The following ITPR1 variants were observed in gnomAD, a reference collection of about 807,000 sequenced individuals.
ITPR1 encodes inositol 1,4,5-trisphosphate receptor type 1.
In ITPR1, 96 loss-of-function variants were observed where a neutral mutation model predicts 318.4. The ratio of observed to expected loss-of-function variants is 0.30; its 90% confidence interval spans 0.26 to 0.36. The LOEUF is 0.36. Ranked by LOEUF, ITPR1 falls within the 10% of genes least tolerant of loss-of-function variation. The pLI is 1.00. For missense variants in ITPR1, 2,440 were observed against 3,460.2 expected (o/e 0.71, Z 7.40); for synonymous variants, 1,312 against 1,289.9 (o/e 1.02, Z -0.37).
intron 7 of ITPR1, 98 bp downstream of exon 7, chr3:4,642,349 G>T: frequency 1.1e-6 from 1 of 945,330 alleles, no homozygotes. Context: ...GTTGGAACCA[G>T]AGGCTTGTCC....
At chr3:4,804,060 C>T (rs1017198117) in intron 54 of ITPR1, among the ~76,000 whole-genome samples, 5 of 152,080 alleles carry the variant, frequency 3.3e-5, no homozygotes, top group Non-Finnish European at 1.5e-5. Context: ...TTAGTAGAGA[C>T]GAGGTTTCAC....
intron 42 of ITPR1, among the ~76,000 whole-genome samples, chr3:4,727,764 C>CA (rs2042623624): frequency 6.6e-6 from 1 of 152,144 alleles, no homozygotes; most frequent in Non-Finnish European, 1.5e-5. Flanking sequence ...TTTGTAGAGA[C>CA]AGAGTCTTGC....
intron 30 of ITPR1, 42 bp downstream of exon 30, chr3:4,685,248 G>A (rs1443239640): frequency 1.3e-6 from 2 of 1,546,418 alleles, no homozygotes; most frequent in Non-Finnish European, 1.7e-6. Flanking sequence ...TCAGGATGGG[G>A]CGGATCCCTG....
At chr3:4,669,870 A>C in intron 19 of ITPR1, 97 bp downstream of exon 19, 1 of 1,203,046 alleles carries the variant, frequency 8.3e-7, no homozygotes. Flanking sequence ...TTTTGAGTTG[A>C]TCTAAAGTCA....
At chr3:4,517,402 AG>A (rs1260841576) in intron 3 of ITPR1, among the ~76,000 whole-genome samples, 1 of 152,220 alleles carries the variant, frequency 6.6e-6, no homozygotes, top group Non-Finnish European at 1.5e-5. Context: ...AATTGGGGGA[AG>A]GAAGACCAGC....
rs377568776 is a variant in ITPR1 at position 4,661,105 on chromosome 3, C to T, written c.1251+18C>T. The T allele has an allele frequency of 6.9e-7, 1 of 1,445,382 alleles. No homozygotes were observed. The highest frequency in any genetic ancestry group is 1.7e-5 in the Admixed American group (1 of 59,550). The allele number at this position is 1,445,382 out of a possible 1,614,324, so 89.5% of individuals were successfully genotyped here. A position where few individuals can be genotyped will look rare whatever the true frequency, so the allele number is the denominator to read the frequency against. The stretch of plus-strand genomic sequence containing the variant: ...TGCTGAAAGTAAGTCCTGGGACTTG[C>T]CTGTCTCCTTTTGGTCTCGTGTTTC... On this transcript the variant is annotated intron_variant, in intron 14 of 61. Coordinates refer to ENST00000649015, the MANE Select transcript of ITPR1 (RefSeq NM_001378452.1).
At chr3:4,654,808 C>T (rs183266849) in intron 12 of ITPR1, among the ~76,000 whole-genome samples, 1 of 152,270 alleles carries the variant, frequency 6.6e-6, no homozygotes, top group African/African-American at 2.4e-5. Flanking sequence ...GTGAATTCTG[C>T]TGTTATGGTT....
At chr3:4,527,207 C>T (rs1477672189) in intron 4 of ITPR1, among the ~76,000 whole-genome samples, 2 of 152,196 alleles carry the variant, frequency 1.3e-5, no homozygotes, top group Admixed American at 6.5e-5. Context: ...GACAAGGTCT[C>T]ACTCTGTTGC....
chr3:4,722,251 A>G (rs1300458576), intron 40 of ITPR1, among the ~76,000 whole-genome samples: 2 of 152,350 alleles, frequency 1.3e-5, no homozygotes, highest in East Asian at 1.9e-4. Context: ...GAGGCAGTAG[A>G]GGGCACTAGT....
intron 61 of ITPR1, among the ~76,000 whole-genome samples, chr3:4,840,608 G>T (rs1286390597): frequency 1.3e-5 from 2 of 152,076 alleles, no homozygotes; most frequent in Non-Finnish European, 1.5e-5. Context: ...CAATCTGAGG[G>T]AAAAAAGTTC....
chr3:4,704,823 T>C (rs1360747976), intron 36 of ITPR1, among the ~76,000 whole-genome samples: 1 of 152,068 alleles, frequency 6.6e-6, no homozygotes, highest in Non-Finnish European at 1.5e-5. Context: ...CGCTTCCTCA[T>C]GACTAATACC....
Position 4,627,823 on chromosome 3 carries a change from C to T in ITPR1, c.224C>T (p.Ala75Val). Residue 75 changes from alanine (A) to valine (V), a missense_variant, in exon 5 of 62, where the codon GCC (alanine) becomes GTC (valine). By Grantham distance (64) the Ala-to-Val change is moderately conservative. Around this residue, in one of 23 missense-constraint regions of ITPR1, gnomAD observed 186 missense variants for 323.9 expected, o/e 0.57. Coordinates refer to ENST00000649015, the MANE Select transcript of ITPR1 (RefSeq NM_001378452.1). ...RYSAQKQFWK[A>V]AKPGANSTTD... ...TCTGCCCAAAAGCAGTTCTGGAAAG[C>T]CGCTAAGCCTGGGGCCAACAGCACC... 3.7e-6 allele frequency: 6 copies of T among 1,613,768 alleles called. No homozygotes were observed. The highest frequency in any genetic ancestry group is 5.1e-6 in the Non-Finnish European group (6 of 1,179,750).
At chr3:4,618,249 A>C (rs772549005) in intron 4 of ITPR1, among the ~76,000 whole-genome samples, 1 of 152,214 alleles carries the variant, frequency 6.6e-6, no homozygotes, top group Non-Finnish European at 1.5e-5. Flanking sequence ...ACTGATAAAC[A>C]TAACAGTATG....
intron 51 of ITPR1, among the ~76,000 whole-genome samples, chr3:4,784,872 G>A (rs1575236913): frequency 6.6e-6 from 1 of 152,252 alleles, no homozygotes; most frequent in African/African-American, 2.4e-5. Flanking sequence ...ACTTCAGCCA[G>A]GGCGACAGAG....
At chr3:4,668,762 G>A (rs1401471598) in intron 18 of ITPR1, among the ~76,000 whole-genome samples, 5 of 152,114 alleles carry the variant, frequency 3.3e-5, no homozygotes, top group African/African-American at 4.8e-5. Flanking sequence ...CACCGCGCTC[G>A]GCCTCATTCA....
chr3:4,711,806 T>C lies in ITPR1; in HGVS notation c.5041T>C (p.Cys1681Arg), dbSNP rs1192161716. 1 of 1,553,876 alleles carries C rather than the reference T, an allele frequency of 6.4e-7. No individual in the cohort carries two copies. The change falls in exon 39 of 62, where the codon TGC (cysteine) becomes CGC (arginine). Residue 1681 changes from cysteine to arginine, a missense_variant. Cys to Arg is a radical substitution (Grantham distance 180). Coordinates refer to ENST00000649015, the MANE Select transcript of ITPR1 (RefSeq NM_001378452.1). ...GCTAGAAGAAAATGAAGAGAAGCTC[T>C]GCATTAAGGTCCTACAGACCCTGAG... Reference protein sequence around the residue: ...QLLEENEEKLCIKVLQTLREM... With the variant: ...QLLEENEEKLRIKVLQTLREM...
intron 44 of ITPR1, chr3:4,749,264 C>T (rs1438451418): frequency 6.6e-6 from 1 of 152,170 alleles, no homozygotes; most frequent in Admixed American, 6.5e-5. Context: ...ATACATGGCA[C>T]CTTTTCAGTT....
chr3:4,818,651 T>C (rs528397877), intron 60 of ITPR1, among the ~76,000 whole-genome samples: 47 of 152,312 alleles, frequency 3.1e-4, no homozygotes, highest in Non-Finnish European at 5.7e-4. Context: ...GCAAAGTGAC[T>C]GCTCACTGCA....
At chr3:4,745,039 TA>T (rs2043994196) in intron 44 of ITPR1, among the ~76,000 whole-genome samples, 4 of 72,562 alleles carry the variant, frequency 5.5e-5, no homozygotes, top group Non-Finnish European at 8.1e-5. Context: ...TTTTCTTCTT[TA>T]TCTCTTTCTT....
Sources: allele counts gnomAD v4.1 joint callset (sites outside exome capture counted in the v4.1 genomes callset), GRCh38; gene constraint gnomAD v4.1.1; regional missense constraint gnomAD v4.1.1; transcripts MANE v1.5; gene names NCBI Gene and HGNC (gene_info 2026-07-23, HGNC 2026-07-21).